Variants in KIAA1328 observed in about 807,000 individuals in gnomAD.
KIAA1328 encodes protein hinderin.
A neutral mutation model predicts 68.1 loss-of-function variants in KIAA1328; 52 were observed. The ratio of observed to expected loss-of-function variants is 0.76; its 90% CI spans 0.61 to 0.96. The LOEUF is 0.96. Among genes scored for constraint, KIAA1328 ranks in the 40% least tolerant of loss-of-function variants. The pLI is 0.00. For missense variants in KIAA1328, 641 were observed against 677.6 expected (o/e 0.95, Z 0.60); for synonymous variants, 232 against 239.4 (o/e 0.97, Z 0.28).
intron 1 of KIAA1328, among the ~76,000 whole-genome samples, chr18:36,831,153 G>A (rs2046477522): frequency 6.6e-6 from 1 of 152,164 alleles, no homozygotes. Flanking sequence ...AGACCAAAAA[G>A]TAAGTACCTA....
At position 37,090,398 on chromosome 18, in the gene KIAA1328, T is replaced by C. The variant is rs577410071; in HGVS notation, c.1232+22853T>C. 1.9e-4 allele frequency among the ~76,000 whole-genome samples: 29 copies of C among 152,336 alleles called. No individual in the cohort carries two copies. In the South Asian group the frequency reaches 5.8e-3, roughly 30 times the overall value. Reference sequence around the variant, plus strand: ...CTCGTAACCATTCTTGATTGTATTTTCTAAAATTAGTGGGCATTTTTGTTT... The same window carrying C: ...CTCGTAACCATTCTTGATTGTATTTCCTAAAATTAGTGGGCATTTTTGTTT... On this transcript the variant is annotated intron_variant, in intron 7 of 9. Transcript: ENST00000280020.
intron 4 of KIAA1328, among the ~76,000 whole-genome samples, chr18:36,865,093 A>T (rs2047702663): frequency 1.4e-5 from 2 of 139,422 alleles, no homozygotes; most frequent in African/African-American, 5.4e-5. Flanking sequence ...ATTGCTTTGG[A>T]CTTATTTTCC....
intron 7 of KIAA1328, among the ~76,000 whole-genome samples, chr18:37,069,260 G>GTT (rs35780871): frequency 0.022 from 2,945 of 133,588 alleles, 128 homozygotes; most frequent in African/African-American, 0.076. Flanking sequence ...ATTTGCATCA[G>GTT]TTTTTTTTTT....
intron 7 of KIAA1328, among the ~76,000 whole-genome samples, chr18:37,136,714 C>CTG (rs1267111161): frequency 6.6e-6 from 1 of 152,202 alleles, no homozygotes; most frequent in Non-Finnish European, 1.5e-5. Context: ...TGGTTTATAC[C>CTG]TGTCTTCCTT....
At chr18:37,145,220 G>GA (rs954824543) in intron 7 of KIAA1328, among the ~76,000 whole-genome samples, 26 of 146,596 alleles carry the variant, frequency 1.8e-4, no homozygotes, top group East Asian at 1.4e-3. Flanking sequence ...AATAAAGAAA[G>GA]AAAAAAAAAA....
At chr18:36,870,499 T>C (rs891481418) in intron 4 of KIAA1328, among the ~76,000 whole-genome samples, 9 of 152,216 alleles carry the variant, frequency 5.9e-5, no homozygotes, top group African/African-American at 2.2e-4. Context: ...TAGTAGCAGA[T>C]GAAGTAAAAT....
chr18:36,868,925 T>A (rs1468422236), intron 4 of KIAA1328, among the ~76,000 whole-genome samples: 1 of 152,124 alleles, frequency 6.6e-6, no homozygotes. Context: ...ATTTTATATT[T>A]ATTCTGGTCT....
At chr18:36,924,975 T>C (rs919872558) in intron 5 of KIAA1328, 3 of 152,176 alleles carry the variant, frequency 2.0e-5, no homozygotes, top group African/African-American at 7.2e-5. Flanking sequence ...CAGACCTTCA[T>C]GCTGAGGTGA....
intron 7 of KIAA1328, among the ~76,000 whole-genome samples, chr18:37,124,398 T>C (rs2058343324): frequency 6.6e-6 from 1 of 151,914 alleles, no homozygotes; most frequent in African/African-American, 2.4e-5. Context: ...GTTTCCGTCA[T>C]CCCTCCGTTA....
intron 6 of KIAA1328, among the ~76,000 whole-genome samples, chr18:36,996,853 T>G (rs974202232): frequency 1.3e-5 from 2 of 152,214 alleles, no homozygotes; most frequent in African/African-American, 4.8e-5. Context: ...TAGCATGTAT[T>G]ATCTTGGCAA....
intron 6 of KIAA1328, among the ~76,000 whole-genome samples, chr18:37,058,242 C>T (rs532955180): frequency 6.6e-6 from 1 of 152,084 alleles, no homozygotes; most frequent in Non-Finnish European, 1.5e-5. Context: ...CCACCTGAGA[C>T]CCCTTCCTCG....
At chr18:37,022,709 C>T (rs1338493041) in intron 6 of KIAA1328, among the ~76,000 whole-genome samples, 4 of 152,168 alleles carry the variant, frequency 2.6e-5, no homozygotes, top group Non-Finnish European at 4.4e-5. Flanking sequence ...GTCAAATTTA[C>T]TCCCATAGCT....
intron 3 of KIAA1328, among the ~76,000 whole-genome samples, chr18:36,838,207 G>C (rs770273688): frequency 2.0e-5 from 3 of 152,050 alleles, no homozygotes; most frequent in Non-Finnish European, 2.9e-5. Context: ...TAGTTCTTTT[G>C]TGAATTCCTT....
intron 6 of KIAA1328, among the ~76,000 whole-genome samples, chr18:37,045,165 T>C (rs985278944): frequency 6.6e-6 from 1 of 152,176 alleles, no homozygotes; most frequent in Non-Finnish European, 1.5e-5. Context: ...GAGGTATACC[T>C]TTATAATAAA....
intron 5 of KIAA1328, among the ~76,000 whole-genome samples, chr18:36,931,168 A>C (rs2050295734): frequency 6.6e-6 from 1 of 152,092 alleles, no homozygotes. Context: ...CAATAAAGAA[A>C]TCTTTTGGCT....
intron 6 of KIAA1328, among the ~76,000 whole-genome samples, chr18:37,018,449 ATTAT>A (rs1467727915): frequency 6.6e-6 from 1 of 151,914 alleles, no homozygotes; most frequent in East Asian, 1.9e-4. Context: ...TACCTTGGTG[ATTAT>A]TTAGTATAGT....
At chr18:37,020,953 A>G (rs1012164580) in intron 6 of KIAA1328, among the ~76,000 whole-genome samples, 32 of 152,196 alleles carry the variant, frequency 2.1e-4, no homozygotes, top group African/African-American at 7.0e-4. Flanking sequence ...AGTATTTTGA[A>G]ATAAAAAATA....
intron 6 of KIAA1328, among the ~76,000 whole-genome samples, chr18:37,016,367 A>G (rs950863850): frequency 6.6e-6 from 1 of 151,844 alleles, no homozygotes; most frequent in South Asian, 2.1e-4. Context: ...TAGTGAATTA[A>G]CTTTTGTTAT....
intron 9 of KIAA1328, chr18:37,193,464 C>T (rs2059945900): frequency 1.6e-6 from 1 of 625,050 alleles, no homozygotes; most frequent in African/African-American, 1.8e-5. Context: ...AATGTTGCTA[C>T]CAAAAAGGTT....
Sources: gnomAD v4.1 joint callset for allele counts (sites outside exome capture counted in the v4.1 genomes callset) on GRCh38, gnomAD v4.1.1 for gene constraint, MANE v1.5 for transcripts, NCBI Gene and HGNC (gene_info 2026-07-23, HGNC 2026-07-21) for gene names.